The following AMPH variants were observed in gnomAD, a reference collection of about 807,000 sequenced individuals.
AMPH encodes the protein amphiphysin.
Under a neutral mutation model 99.1 loss-of-function variants are expected in AMPH, and 49 were observed. The observed-to-expected ratio is 0.49, with a 90% CI of 0.39 to 0.63. The LOEUF (loss-of-function observed/expected upper bound fraction) is 0.63, where lower values mean the gene tolerates loss of function less well. Ranked by LOEUF, AMPH falls within the 20% of genes least tolerant of loss-of-function variation. The pLI, the probability that AMPH is intolerant of heterozygous loss-of-function variation, is 0.00. For missense variants in AMPH, 759 were observed against 863.4 expected (o/e 0.88, Z 1.52); for synonymous variants, 314 against 317.3 (o/e 0.99, Z 0.11).
chr7:38,386,348 G>A (rs1433429931), intron 20 of AMPH, among the ~76,000 whole-genome samples: 1 of 152,108 alleles, frequency 6.6e-6, no homozygotes, highest in Middle Eastern at 3.2e-3. Context: ...TTTACAGTAG[G>A]TGAAAAATCT....
intron 1 of AMPH, among the ~76,000 whole-genome samples, chr7:38,570,438 A>G (rs1791901219): frequency 6.6e-6 from 1 of 152,150 alleles, no homozygotes; most frequent in African/African-American, 2.4e-5. Flanking sequence ...CAGATCAAAT[A>G]TCTAATGGTA....
chr7:38,395,821 C>T (rs1784651586), intron 17 of AMPH, among the ~76,000 whole-genome samples: 2 of 151,282 alleles, frequency 1.3e-5, no homozygotes, highest in Admixed American at 6.6e-5. Context: ...CATCAGAAAT[C>T]GGAGATGAAG....
At chr7:38,511,818 C>G (rs1789552711) in intron 2 of AMPH, among the ~76,000 whole-genome samples, 1 of 152,186 alleles carries the variant, frequency 6.6e-6, no homozygotes, top group South Asian at 2.1e-4. Flanking sequence ...GTTAAAGCCC[C>G]TTGGAAGATT....
At chr7:38,579,257 C>T (rs934153981) in intron 1 of AMPH, among the ~76,000 whole-genome samples, 2 of 152,162 alleles carry the variant, frequency 1.3e-5, no homozygotes, top group African/African-American at 2.4e-5. Context: ...AGGGGAGAGA[C>T]CAAAACACCC....
intron 1 of AMPH, among the ~76,000 whole-genome samples, chr7:38,620,089 T>C (rs1022190441): frequency 1.3e-5 from 2 of 151,762 alleles, no homozygotes; most frequent in Admixed American, 6.6e-5. Flanking sequence ...GAGGAAAAGA[T>C]TGTCTGCTAT....
chr7:38,401,869 T>C (rs1784850635), intron 17 of AMPH, among the ~76,000 whole-genome samples: 1 of 152,194 alleles, frequency 6.6e-6, no homozygotes, highest in Non-Finnish European at 1.5e-5. Flanking sequence ...GCATGTTTTT[T>C]TCTATTATAC....
intron 17 of AMPH, among the ~76,000 whole-genome samples, chr7:38,407,074 A>ATGTG (rs1314061909): frequency 1.5e-4 from 5 of 32,270 alleles, no homozygotes; most frequent in Admixed American, 4.8e-4. Flanking sequence ...ATATATATAT[A>ATGTG]TATGTGTGTG....
intron 1 of AMPH, among the ~76,000 whole-genome samples, chr7:38,544,699 G>T (rs1790931179): frequency 6.6e-6 from 1 of 152,184 alleles, no homozygotes; most frequent in African/African-American, 2.4e-5. Flanking sequence ...TGATTAACTT[G>T]GTTGAGCCTC....
chr7:38,391,670 A>G, intron 19 of AMPH, 78 bp downstream of exon 19: 1 of 1,479,346 alleles, frequency 6.8e-7, no homozygotes, highest in Middle Eastern at 2.4e-4. Flanking sequence ...GTAAAAGTAA[A>G]AACTGGAAAA....
At chr7:38,401,302 A>G (rs1375811616) in intron 17 of AMPH, among the ~76,000 whole-genome samples, 1 of 152,230 alleles carries the variant, frequency 6.6e-6, no homozygotes. Flanking sequence ...GCTCAACATT[A>G]TAAGAAATTT....
At chr7:38,443,049 G>T (rs1471574765) in intron 11 of AMPH, among the ~76,000 whole-genome samples, 1 of 152,012 alleles carries the variant, frequency 6.6e-6, no homozygotes, top group African/African-American at 2.4e-5. Context: ...CATCATCATA[G>T]ATATTAGAGA....
intron 1 of AMPH, among the ~76,000 whole-genome samples, chr7:38,594,717 T>C (rs1054744444): frequency 6.6e-6 from 1 of 152,020 alleles, no homozygotes; most frequent in Non-Finnish European, 1.5e-5. Flanking sequence ...TCTCCTGATA[T>C]TTACATGTAT....
At chr7:38,529,269 A>G (rs1790305861) in intron 2 of AMPH, among the ~76,000 whole-genome samples, 1 of 152,270 alleles carries the variant, frequency 6.6e-6, no homozygotes, top group Admixed American at 6.5e-5. Flanking sequence ...TATAGACACT[A>G]AAGATAGACA....
At chr7:38,472,013 C>T (rs1418635059) in intron 7 of AMPH, among the ~76,000 whole-genome samples, 1 of 151,862 alleles carries the variant, frequency 6.6e-6, no homozygotes, top group Non-Finnish European at 1.5e-5. Flanking sequence ...AGAAATAAGC[C>T]CAATAATGGT....
intron 2 of AMPH, among the ~76,000 whole-genome samples, chr7:38,525,445 C>CGTGCGTGT (rs1554353179): frequency 1.6e-5 from 2 of 125,420 alleles, no homozygotes; most frequent in African/African-American, 2.9e-5. Context: ...CTCATTTGTG[C>CGTGCGTGT]GTGTGTGTGT....
In AMPH at chr7:38,451,637, G is replaced by A. The variant is rs973615544; in HGVS notation, c.1017+9646C>T. 6.6e-5 allele frequency among the ~76,000 whole-genome samples: 10 copies of A among 152,086 alleles called. No homozygotes were observed. The East Asian group carries it at 1.9e-3, about 29-fold the overall frequency. ...GAACTTTGTTACAGAACTTTTCAGA[G>A]CCTTAAACATGCCGATGTAAACTGT... On this transcript the variant is annotated intron_variant, in intron 11 of 20. Transcript: ENST00000356264.
chr7:38,543,857 T>C (rs1165567394), intron 1 of AMPH, among the ~76,000 whole-genome samples: 1 of 152,108 alleles, frequency 6.6e-6, no homozygotes, highest in Non-Finnish European at 1.5e-5. Flanking sequence ...CCAAAGACTA[T>C]ATATCCATCT....
intron 2 of AMPH, 151 bp downstream of exon 2, chr7:38,534,780 T>C (rs1790536508): frequency 4.5e-6 from 3 of 668,662 alleles, no homozygotes; most frequent in South Asian, 2.0e-5. Context: ...CCGTCTTCAA[T>C]AGGAAATTCT....
chr7:38,418,549 G>C (rs1412480882), intron 16 of AMPH, among the ~76,000 whole-genome samples: 1 of 152,238 alleles, frequency 6.6e-6, no homozygotes, highest in Non-Finnish European at 1.5e-5. Context: ...TGAAGCTAGT[G>C]TTCCACTTCC....
Sources: allele counts gnomAD v4.1 joint callset (sites outside exome capture counted in the v4.1 genomes callset), GRCh38; gene constraint gnomAD v4.1.1; transcripts MANE v1.5; gene names NCBI Gene and HGNC (gene_info 2026-07-23, HGNC 2026-07-21).